SORCS2: variants seen among roughly 807,000 people sequenced by gnomAD.
SORCS2 encodes VPS10 domain-containing receptor SorCS2.
In SORCS2, 100 loss-of-function variants were observed where a neutral mutation model predicts 141.6. The observed-to-expected ratio is 0.71, with a 90% CI of 0.60 to 0.83. The LOEUF (loss-of-function observed/expected upper bound fraction) is 0.83. Ranked by LOEUF, SORCS2 falls within the 40% of genes least tolerant of loss-of-function variation. SORCS2 has a pLI of 0.00. For synonymous variants in SORCS2, 789 were observed against 676.9 expected, an observed-to-expected ratio of 1.17 and a Z score of -2.57; for missense variants, 1,646 against 1,560.2, an observed-to-expected ratio of 1.05 and a Z score of -0.93.
At chr4:7,212,126 A>G (rs1728094744) in intron 1 of SORCS2, among the ~76,000 whole-genome samples, 1 of 152,020 alleles carries the variant, frequency 6.6e-6, no homozygotes, top group African/African-American at 2.4e-5. Flanking sequence ...AGGGCTGCAG[A>G]GGAAGTCTTT....
At chr4:7,347,093 C>T (rs1029606750) in intron 1 of SORCS2, among the ~76,000 whole-genome samples, 1 of 152,020 alleles carries the variant, frequency 6.6e-6, no homozygotes, top group Non-Finnish European at 1.5e-5. Context: ...TGGCTATGAC[C>T]CAGCCCACTT....
intron 1 of SORCS2, among the ~76,000 whole-genome samples, chr4:7,389,021 G>A (rs555750281): frequency 9.2e-5 from 14 of 152,356 alleles, no homozygotes; most frequent in East Asian, 3.9e-4. Context: ...ACATGGGCTC[G>A]TGCTTAACTT....
chr4:7,455,037 T>A lies in SORCS2; in HGVS notation c.548+58682T>A, dbSNP rs1170297385. Among the ~76,000 whole-genome samples, 38 of 28,310 alleles carry A rather than the reference T, an allele frequency of 1.3e-3. No homozygotes were observed. The East Asian group carries it at 0.02, about 15-fold the overall frequency. The allele number at this position is 28,310 out of a possible 152,430, so 18.6% of individuals were successfully genotyped here. A position where few individuals can be genotyped will look rare whatever the true frequency, so the allele number is the denominator to read the frequency against. ...GGTCAGGCAGTGTGTTGGGGTCAGG[T>A]GCTGTGTGTTGGGGTCAGATGCTGT... On this transcript the variant is annotated intron_variant, in intron 2 of 26. Transcript: ENST00000507866.
intron 2 of SORCS2, among the ~76,000 whole-genome samples, chr4:7,406,129 G>A (rs771844211): frequency 1.3e-5 from 2 of 151,934 alleles, no homozygotes; most frequent in Non-Finnish European, 2.9e-5. Context: ...GTGGTGTGTT[G>A]TTGGGTTCAG....
At position 7,323,220 on chromosome 4, in the gene SORCS2, T is replaced by C. The variant is rs554893919; in HGVS notation, c.481-73068T>C. Among the ~76,000 whole-genome samples, 17 of 152,286 alleles carry C rather than the reference T, an allele frequency of 1.1e-4. No individual in the cohort carries two copies. In the South Asian group the frequency reaches 1.9e-3, roughly 17 times the overall value. On this transcript the variant is annotated intron_variant, in intron 1 of 26. Transcript: ENST00000507866. ...GGGAATTAGCACAAAGAGCACATAA[T>C]GATAGCAAAAGAACAAAACTGAATG...
intron 4 of SORCS2, among the ~76,000 whole-genome samples, chr4:7,644,296 C>G (rs552873008): frequency 2.0e-5 from 3 of 152,308 alleles, no homozygotes; most frequent in African/African-American, 7.2e-5. Context: ...CACCTGGTAA[C>G]TTCCATAAAG....
chr4:7,554,857 G>A (rs553377852), intron 3 of SORCS2, among the ~76,000 whole-genome samples: 1 of 152,176 alleles, frequency 6.6e-6, no homozygotes, highest in Non-Finnish European at 1.5e-5. Flanking sequence ...GGCTCCAAAT[G>A]TAAAGGCATA....
intron 9 of SORCS2, among the ~76,000 whole-genome samples, chr4:7,681,205 C>T (rs528392353): frequency 1.3e-5 from 2 of 152,220 alleles, no homozygotes; most frequent in Non-Finnish European, 2.9e-5. Flanking sequence ...GGCCACATCC[C>T]GAGCCCCAGA....
intron 23 of SORCS2, among the ~76,000 whole-genome samples, chr4:7,732,669 C>A (rs532986699): frequency 6.6e-6 from 1 of 152,224 alleles, no homozygotes; most frequent in Admixed American, 6.5e-5. Flanking sequence ...CTTCCCTGAC[C>A]ACCACTGGGG....
At chr4:7,574,757 C>CGG (rs2109724493) in intron 3 of SORCS2, among the ~76,000 whole-genome samples, 1 of 152,264 alleles carries the variant, frequency 6.6e-6, no homozygotes, top group African/African-American at 2.4e-5. Context: ...GGAGGAAGGG[C>CGG]GGCTCCTCTG....
chr4:7,416,346 C>T (rs1467606907), intron 2 of SORCS2, among the ~76,000 whole-genome samples: 1 of 152,172 alleles, frequency 6.6e-6, no homozygotes, highest in Non-Finnish European at 1.5e-5. Flanking sequence ...AGCTCCCCCT[C>T]CTTGCCCTCC....
At chr4:7,516,863 G>C (rs1733017062) in intron 2 of SORCS2, among the ~76,000 whole-genome samples, 1 of 152,234 alleles carries the variant, frequency 6.6e-6, no homozygotes, top group African/African-American at 2.4e-5. Flanking sequence ...TCAGGCAGCA[G>C]CTACTGCTGA....
intron 1 of SORCS2, among the ~76,000 whole-genome samples, chr4:7,207,708 G>T (rs1302921420): frequency 6.6e-6 from 1 of 152,146 alleles, no homozygotes; most frequent in Admixed American, 6.5e-5. Flanking sequence ...TTCTCTAGGG[G>T]GATTTTATGT....
chr4:7,397,100 A>T (rs1724263695), intron 2 of SORCS2, among the ~76,000 whole-genome samples: 1 of 152,168 alleles, frequency 6.6e-6, no homozygotes, highest in South Asian at 2.1e-4. Flanking sequence ...TTTCCAACAT[A>T]TGTTTCTCAA....
intron 2 of SORCS2, among the ~76,000 whole-genome samples, chr4:7,499,733 G>A (rs1224548721): frequency 3.4e-5 from 5 of 145,524 alleles, no homozygotes; most frequent in East Asian, 2.1e-4. Flanking sequence ...TGCCTTCCTC[G>A]CTCCTCAAAC....
At chr4:7,380,911 G>C (rs983187577) in intron 1 of SORCS2, among the ~76,000 whole-genome samples, 1 of 152,046 alleles carries the variant, frequency 6.6e-6, no homozygotes, top group African/African-American at 2.4e-5. Context: ...GTGAAACCCC[G>C]TCTCTACTAA....
chr4:7,602,712 C>T (rs559962383), intron 3 of SORCS2, among the ~76,000 whole-genome samples: 2,014 of 147,692 alleles, frequency 0.014, 39 homozygotes, highest in African/African-American at 0.048. Flanking sequence ...ACATCCCAGA[C>T]GATGGGCGGC....
chr4:7,740,962 G>A lies in SORCS2; in HGVS notation c.*698G>A. 2.5e-6 allele frequency: 1 copy of A among 398,166 alleles called. No individual in the cohort carries two copies. The highest frequency in any genetic ancestry group is 2.1e-5 in the African/African-American group (1 of 48,712). 24.7% of individuals were successfully genotyped at this position (398,166 alleles called of 1,614,324 possible). A position where few individuals can be genotyped will look rare whatever the true frequency, so the allele number is the denominator to read the frequency against. On this transcript the variant is annotated 3_prime_UTR_variant, in exon 27 of 27. Transcript: ENST00000507866. ...CCTGAGTGCCCAGGGTGTCTCCTCT[G>A]CCCAGAGGGGCAGCAGCTCTCCCTG...
At chr4:7,531,717 C>T in intron 3 of SORCS2, 88 bp downstream of exon 3, 2 of 1,320,738 alleles carry the variant, frequency 1.5e-6, no homozygotes, top group Non-Finnish European at 2.1e-6. Flanking sequence ...CCCTGCCCTG[C>T]TGTCTCCTAC....
Sources: gnomAD v4.1 joint callset for allele counts (sites outside exome capture counted in the v4.1 genomes callset) on GRCh38, gnomAD v4.1.1 for gene constraint, MANE v1.5 for transcripts, NCBI Gene and HGNC (gene_info 2026-07-23, HGNC 2026-07-21) for gene names.